Variants in ERC2 observed in about 807,000 individuals in gnomAD.
ERC2 encodes ELKS/RAB6-interacting/CAST family member 2, also known as ERC protein 2.
A neutral mutation model predicts 114.8 loss-of-function variants in ERC2; 42 were observed. That is an observed-to-expected ratio of 0.37 (90% CI 0.29 to 0.47). The LOEUF (loss-of-function observed/expected upper bound fraction) is 0.47, where lower values mean the gene tolerates loss of function less well. Ranked by LOEUF, ERC2 falls within the 20% of genes least tolerant of loss-of-function variation. The pLI is 0.99. For missense variants in ERC2, 939 were observed against 1,150.7 expected (o/e 0.82, Z 2.66); for synonymous variants, 454 against 425.5 (o/e 1.07, Z -0.82).
In ERC2 at chr3:56,269,156, A is replaced by T. The variant is rs562845245; in HGVS notation, c.1074+26863T>A. Among the ~76,000 whole-genome samples the T allele has an allele frequency of 5.9e-5, 9 of 152,366 alleles. No homozygotes were observed. In the South Asian group the frequency reaches 1.7e-3, roughly 28 times the overall value. On this transcript the variant is annotated intron_variant, in intron 3 of 17. Coordinates refer to ENST00000288221, the MANE Select transcript of ERC2 (RefSeq NM_015576.3). Reference sequence around the variant, plus strand: ...CTAACAGCTTGGAAAAAATTGTAACACATCCAGCTGTAAAGGATATTGAGA... The same window carrying T: ...CTAACAGCTTGGAAAAAATTGTAACTCATCCAGCTGTAAAGGATATTGAGA...
Position 56,249,197 on chromosome 3 carries a change from G to A in ERC2, c.1074+46822C>T, listed in dbSNP as rs1258293568. ...AGCTTAGCCCACCTCAACCTTACAA[G>A]GATGCATATGCATGTTTTGAAAACA... On this transcript the variant is annotated intron_variant, in intron 3 of 17. Coordinates refer to ENST00000288221, the MANE Select transcript of ERC2 (RefSeq NM_015576.3). 1.8e-4 allele frequency among the ~76,000 whole-genome samples: 28 copies of A among 152,170 alleles called. 1 individual carries two copies. The highest frequency in any genetic ancestry group is 1.8e-3 in the Admixed American group (28 of 15,286).
chr3:56,197,873 CTT>C (rs2048194874), intron 3 of ERC2, among the ~76,000 whole-genome samples: 1 of 152,208 alleles, frequency 6.6e-6, no homozygotes, highest in Admixed American at 6.5e-5. Flanking sequence ...GTTCACAAGA[CTT>C]TACAGTGATG....
intron 2 of ERC2, among the ~76,000 whole-genome samples, chr3:56,296,683 A>T (rs895454909): frequency 6.6e-6 from 1 of 152,184 alleles, no homozygotes; most frequent in African/African-American, 2.4e-5. Context: ...CAGAAACAAT[A>T]GATTAGTGTC....
intron 14 of ERC2, among the ~76,000 whole-genome samples, chr3:55,774,252 A>T (rs2068435711): frequency 6.6e-6 from 1 of 152,176 alleles, no homozygotes; most frequent in Non-Finnish European, 1.5e-5. Context: ...GTTGGGAAGA[A>T]AGCTCATGGG....
At chr3:56,462,314 C>CA (rs557983911) in intron 1 of ERC2, among the ~76,000 whole-genome samples, 116 of 152,294 alleles carry the variant, frequency 7.6e-4, no homozygotes, top group African/African-American at 2.5e-3. Context: ...CATAGGTTAA[C>CA]AGCAACTATG....
chr3:56,466,393 G>T (rs2063545832), intron 1 of ERC2, among the ~76,000 whole-genome samples: 1 of 152,280 alleles, frequency 6.6e-6, no homozygotes, highest in South Asian at 2.1e-4. Context: ...GCTTTCACTA[G>T]TAGTGAGTTG....
intron 17 of ERC2, among the ~76,000 whole-genome samples, chr3:55,551,852 G>A (rs1344095585): frequency 6.6e-6 from 1 of 152,228 alleles, no homozygotes; most frequent in Non-Finnish European, 1.5e-5. Flanking sequence ...GCCCAGTCAA[G>A]TTGACACATA....
chr3:56,300,382 C>T (rs2055789144), intron 2 of ERC2, among the ~76,000 whole-genome samples: 1 of 151,374 alleles, frequency 6.6e-6, no homozygotes, highest in Non-Finnish European at 1.5e-5. Flanking sequence ...ATGAGGGTTA[C>T]AATAGAAGTC....
chr3:55,927,031 G>A (rs1040705937), intron 13 of ERC2, among the ~76,000 whole-genome samples: 13 of 152,134 alleles, frequency 8.5e-5, no homozygotes, highest in African/African-American at 3.1e-4. Flanking sequence ...TGCCCTGAGA[G>A]TGGAGGGCAA....
At chr3:55,591,294 T>A (rs1017501940) in intron 17 of ERC2, among the ~76,000 whole-genome samples, 1 of 152,050 alleles carries the variant, frequency 6.6e-6, no homozygotes, top group Non-Finnish European at 1.5e-5. Flanking sequence ...TCTCTTAGGA[T>A]TGCCTTCTGT....
In ERC2 at chr3:56,414,180, C is replaced by A. The variant is rs183340722; in HGVS notation, c.657+20171G>T. Among the ~76,000 whole-genome samples the A allele has an allele frequency of 1.7e-3, 261 of 152,340 alleles. 1 individual carries two copies. Among genetic ancestry groups the A allele is most frequent in the Non-Finnish European group, 1.1e-3 (75 of 68,032 alleles). On this transcript the variant is annotated intron_variant, in intron 2 of 17. Transcript: ENST00000288221. ...AGGGCCTCTGCATCTGCCTTCTTAGCATAAAGTAGTGGTGGCACCTTAATC... is the reference window on the plus strand; with the variant it reads ...AGGGCCTCTGCATCTGCCTTCTTAGAATAAAGTAGTGGTGGCACCTTAATC...
rs1441830832 is a variant in ERC2, at chr3:55,544,710, T to C, written c.*40-33434A>G. 2.0e-5 allele frequency among the ~76,000 whole-genome samples: 3 copies of C among 152,184 alleles called. No individual in the cohort carries two copies. The East Asian group carries it at 5.8e-4, about 29-fold the overall frequency. ...AGTCAAGAAGCCCCTTCTGAGACCCTTACCAAGGGAGGCAGGAGGAGGGAC... is the reference window on the plus strand; with the variant it reads ...AGTCAAGAAGCCCCTTCTGAGACCCCTACCAAGGGAGGCAGGAGGAGGGAC... On this transcript the variant is annotated intron_variant, in intron 17 of 17. Coordinates refer to ENST00000288221, the MANE Select transcript of ERC2 (RefSeq NM_015576.3).
intron 17 of ERC2, among the ~76,000 whole-genome samples, chr3:55,513,524 G>A (rs753606391): frequency 2.6e-4 from 39 of 151,900 alleles, no homozygotes; most frequent in Non-Finnish European, 5.0e-4. Flanking sequence ...TGACCCTCTC[G>A]GATGTGATAT....
At chr3:56,416,618 C>T (rs1179517237) in intron 2 of ERC2, among the ~76,000 whole-genome samples, 3 of 150,102 alleles carry the variant, frequency 2.0e-5, no homozygotes, top group Admixed American at 1.3e-4. Context: ...CTCAACAACA[C>T]CACTTGGATA....
chr3:55,931,915 T>C (rs1350427083), intron 13 of ERC2, among the ~76,000 whole-genome samples: 1 of 152,208 alleles, frequency 6.6e-6, no homozygotes, highest in Non-Finnish European at 1.5e-5. Context: ...TTTTCTGCAT[T>C]TGTACTGTAC....
intron 15 of ERC2, among the ~76,000 whole-genome samples, chr3:55,727,045 T>C (rs1202311367): frequency 1.3e-5 from 2 of 152,180 alleles, no homozygotes; most frequent in Non-Finnish European, 2.9e-5. Flanking sequence ...AGGGGAGCAT[T>C]TGAGAATACG....
chr3:56,280,471 G>A (rs188857716), intron 3 of ERC2, among the ~76,000 whole-genome samples: 1 of 152,264 alleles, frequency 6.6e-6, no homozygotes, highest in African/African-American at 2.4e-5. Flanking sequence ...GGAGGTACGT[G>A]GTGGTGACAG....
At chr3:55,644,842 C>T (rs1160421775) in intron 17 of ERC2, among the ~76,000 whole-genome samples, 1 of 151,912 alleles carries the variant, frequency 6.6e-6, no homozygotes, top group Non-Finnish European at 1.5e-5. Context: ...CTGTTATCAT[C>T]ATGTTTTCCA....
chr3:55,538,378 G>A (rs1442557184), intron 17 of ERC2, among the ~76,000 whole-genome samples: 1 of 152,196 alleles, frequency 6.6e-6, no homozygotes, highest in African/African-American at 2.4e-5. Flanking sequence ...GGTTCCACCA[G>A]GGGTAACCTT....
Sources: gnomAD v4.1 joint callset for allele counts (sites outside exome capture counted in the v4.1 genomes callset) on GRCh38, gnomAD v4.1.1 for gene constraint, MANE v1.5 for transcripts, NCBI Gene and HGNC (gene_info 2026-07-23, HGNC 2026-07-21) for gene names.